Variants in FSD1L observed in about 807,000 individuals in gnomAD.
FSD1L encodes the protein FSD1-like protein.
FSD1L carries 45 observed loss-of-function variants against 71.6 expected under a neutral mutation model. The ratio of observed to expected loss-of-function variants is 0.63; its 90% CI spans 0.49 to 0.81. The LOEUF is 0.81. Among genes scored for constraint, FSD1L ranks in the 30% least tolerant of loss-of-function variants. The probability of loss-of-function intolerance (pLI) is 0.00; values close to 1 mark genes in which losing one functional copy is unlikely to be tolerated. For missense variants in FSD1L, 561 were observed against 618.1 expected (o/e 0.91, Z 0.98); for synonymous variants, 197 against 207.2 (o/e 0.95, Z 0.42).
At chr9:105,532,970 CTT>C (rs1402479734) in intron 10 of FSD1L, among the ~76,000 whole-genome samples, 1 of 152,118 alleles carries the variant, frequency 6.6e-6, no homozygotes, top group Non-Finnish European at 1.5e-5. Context: ...TATGAAATGA[CTT>C]TAAGTTTTAT....
chr9:105,544,171 C>G (rs903613801), intron 13 of FSD1L, among the ~76,000 whole-genome samples: 2 of 152,230 alleles, frequency 1.3e-5, no homozygotes, highest in African/African-American at 4.8e-5. Context: ...ATTTACATTT[C>G]TCTGATGGCC....
At position 105,502,136 on chromosome 9, in the gene FSD1L, T is replaced by C. The variant is rs548757752; in HGVS notation, c.587-4263T>C. On this transcript the variant is annotated intron_variant, in intron 7 of 13. Coordinates refer to ENST00000481272, the MANE Select transcript of FSD1L (RefSeq NM_001145313.3). ...TGTTGTCTCTAAGTCAAACTGCTTA[T>C]GTTTAAATCCTGTTTCTTCTTTAAT... is the stretch of plus-strand genomic sequence containing the variant. 1.4e-4 allele frequency among the ~76,000 whole-genome samples: 22 copies of C among 152,338 alleles called. No homozygotes were observed. The South Asian group carries it at 4.4e-3, about 30-fold the overall frequency.
intron 12 of FSD1L, among the ~76,000 whole-genome samples, chr9:105,537,062 ATTTAC>A (rs1202921844): frequency 1.3e-5 from 2 of 152,312 alleles, no homozygotes; most frequent in Non-Finnish European, 2.9e-5. Flanking sequence ...TTATCTAAAA[ATTTAC>A]TTGATATTTA....
In FSD1L at chr9:105,535,335, G is replaced by T. The variant is rs974641; in HGVS notation, c.1378+17G>T. On this transcript the variant is annotated intron_variant, in intron 12 of 13. Transcript: ENST00000481272. ...TTGATGGGGGTAAGTTTATTTTCTC[G>T]TAGGTTATTTCATCATAGTTGCTTG... 21 of 1,550,184 alleles carry T rather than the reference G, an allele frequency of 1.4e-5. No individual in the cohort carries two copies. Among genetic ancestry groups the T allele is most frequent in the Admixed American group, 9.8e-5 (5 of 50,958 alleles).
chr9:105,448,263 A>AC (rs1588893832), intron 1 of FSD1L, 28 bp downstream of exon 1: 1 of 1,436,848 alleles, frequency 7.0e-7, no homozygotes, highest in African/African-American at 1.5e-5. Context: ...GCCCGGGGCT[A>AC]CCGAGACAAG....
chr9:105,533,473 A>C (rs963400807), intron 10 of FSD1L, among the ~76,000 whole-genome samples: 3 of 103,684 alleles, frequency 2.9e-5, no homozygotes, highest in Non-Finnish European at 5.5e-5. Context: ...CCCAGGCTGG[A>C]GTGCAGTGGC....
intron 6 of FSD1L, among the ~76,000 whole-genome samples, chr9:105,481,777 T>C (rs1318190718): frequency 1.4e-5 from 2 of 140,374 alleles, no homozygotes; most frequent in Non-Finnish European, 3.1e-5. Context: ...AAAGAAAGGA[T>C]TTTTTTTTTT....
chr9:105,478,926 AAG>A (rs1831990949), intron 5 of FSD1L, among the ~76,000 whole-genome samples: 1 of 152,222 alleles, frequency 6.6e-6, no homozygotes, highest in East Asian at 1.9e-4. Context: ...GAAGTAGTGA[AAG>A]AGATCTCTGA....
chr9:105,450,129 T>A (rs1057489948), intron 1 of FSD1L, among the ~76,000 whole-genome samples: 2 of 152,242 alleles, frequency 1.3e-5, no homozygotes, highest in Non-Finnish European at 2.9e-5. Context: ...TTTTCTCGTA[T>A]GAATTCCTGC....
upstream of FSD1L, among the ~76,000 whole-genome samples, chr9:105,447,324 CAAAAA>C (rs35514046): frequency 2.5e-3 from 153 of 61,542 alleles, no homozygotes; most frequent in African/African-American, 6.3e-3. Context: ...ACTCCATCTC[CAAAAA>C]AAAAAAAAAA....
rs1834063239 is a variant in FSD1L at position 105,506,563 on chromosome 9, T to C, written c.751T>C (p.Trp251Arg). ...GLPRVKDERC[W>R]EIIDNIKGTE... ...TCCACGTGTAAAGGATGAGCGATGCTGGGAGATAATTGATAATATTAAGGG... is the reference window on the plus strand; with the variant it reads ...TCCACGTGTAAAGGATGAGCGATGCCGGGAGATAATTGATAATATTAAGGG... Residue 251 changes from tryptophan to arginine, a missense_variant, in exon 8 of 14, where the codon TGG (tryptophan) becomes CGG (arginine). This residue lies in a region of FSD1L where 410 missense variants were observed against 413.5 expected (regional missense o/e 0.99). Transcript: ENST00000481272. 6.4e-7 allele frequency: 1 copy of C among 1,551,110 alleles called. No homozygotes were observed.
At chr9:105,455,784 C>T (rs1336380316) in intron 1 of FSD1L, among the ~76,000 whole-genome samples, 2 of 152,184 alleles carry the variant, frequency 1.3e-5, no homozygotes, top group Non-Finnish European at 2.9e-5. Flanking sequence ...TAAAAAGTTA[C>T]TCCATATTAG....
At chr9:105,519,694 T>C (rs1256306155) in intron 10 of FSD1L, among the ~76,000 whole-genome samples, 1 of 152,234 alleles carries the variant, frequency 6.6e-6, no homozygotes, top group Non-Finnish European at 1.5e-5. Context: ...GCCAGTATCA[T>C]ACTGAATGGG....
rs538612432 is a variant in FSD1L, at chr9:105,468,305, G to A, written c.320G>A (p.Arg107His). The A allele has an allele frequency of 8.3e-5, 124 of 1,490,464 alleles. 2 individuals are homozygous for A. The South Asian group carries it at 1.6e-3, about 19-fold the overall frequency. 92.3% of individuals were successfully genotyped at this position (1,490,464 alleles called of 1,614,324 possible). Residue 107 changes from arginine to histidine, a missense_variant, in exon 4 of 14, where the codon CGT (arginine) becomes CAT (histidine). This residue lies in a region of FSD1L where 410 missense variants were observed against 413.5 expected (regional missense o/e 0.99). Coordinates refer to ENST00000481272, the MANE Select transcript of FSD1L (RefSeq NM_001145313.3). ...AACTGTATCAAGCAGGAACAAGCTC[G>A]TAAATCCCAAGAGTTACAGGTGAGA... is the stretch of plus-strand genomic sequence containing the variant. ...MINCIKQEQARKSQELQSQIS... is the reference protein window; with the variant it reads ...MINCIKQEQAHKSQELQSQIS...
chr9:105,456,684 G>T (rs1338094035), intron 1 of FSD1L, among the ~76,000 whole-genome samples: 1 of 152,066 alleles, frequency 6.6e-6, no homozygotes, highest in Non-Finnish European at 1.5e-5. Context: ...TTTTGTTGTT[G>T]TTATGAGGGC....
chr9:105,502,824 TA>T (rs934749763), intron 7 of FSD1L, among the ~76,000 whole-genome samples: 63 of 142,518 alleles, frequency 4.4e-4, no homozygotes, highest in East Asian at 1.2e-3. Context: ...GAGGTATGAT[TA>T]AAAAAAAAAA....
In FSD1L at chr9:105,532,169, A is replaced by G. The variant is rs79223877; in HGVS notation, c.1026-2324A>G. 6.0e-3 allele frequency among the ~76,000 whole-genome samples: 910 copies of G among 152,306 alleles called. 15 individuals carry two copies. Among genetic ancestry groups the G allele is most frequent in the African/African-American group, 0.021 (867 of 41,566 alleles). On this transcript the variant is annotated intron_variant, in intron 10 of 13. Coordinates refer to ENST00000481272, the MANE Select transcript of FSD1L (RefSeq NM_001145313.3). ...GCCCCTCACAAGATCAGGAAAATAG[A>G]GCTGCATGTACTATTTTTTTAAACT... is the stretch of plus-strand genomic sequence containing the variant.
At chr9:105,510,012 GT>G (rs1374576322) in intron 9 of FSD1L, among the ~76,000 whole-genome samples, 23 of 152,048 alleles carry the variant, frequency 1.5e-4, no homozygotes, top group African/African-American at 5.6e-4. Context: ...TTCATTTACT[GT>G]TCATATTTAA....
chr9:105,494,637 T>A (rs1474156770), intron 7 of FSD1L, among the ~76,000 whole-genome samples: 1 of 152,232 alleles, frequency 6.6e-6, no homozygotes. Context: ...TGGTTTTATC[T>A]ACTTTTGGTC....
Sources: allele counts gnomAD v4.1 joint callset (sites outside exome capture counted in the v4.1 genomes callset), GRCh38; gene constraint gnomAD v4.1.1; regional missense constraint gnomAD v4.1.1; transcripts MANE v1.5; gene names NCBI Gene and HGNC (gene_info 2026-07-23, HGNC 2026-07-21).